Variants in TNK2 observed in about 807,000 individuals in gnomAD.
TNK2 encodes the protein tyrosine kinase non receptor 2.
TNK2 carries 83 observed loss-of-function variants against 101.8 expected under a neutral mutation model. The ratio of observed to expected loss-of-function variants is 0.82; its 90% confidence interval spans 0.68 to 0.98. The LOEUF (loss-of-function observed/expected upper bound fraction) is 0.98. Among genes scored for constraint, TNK2 ranks in the 50% least tolerant of loss-of-function variants. The pLI is 0.00. For synonymous variants in TNK2, 804 were observed against 633.0 expected (o/e 1.27, Z -4.06); for missense variants, 1,665 against 1,483.2 (o/e 1.12, Z -2.01).
rs1179772728 is a variant in TNK2 at position 195,882,469 on chromosome 3, C to T, written c.610-141G>A. On this transcript the variant is annotated intron_variant, in intron 5 of 15. Coordinates refer to ENST00000672887, the MANE Select transcript of TNK2 (RefSeq NM_001382273.1). The surrounding 1 kb of genome is among the most constrained non-coding windows in gnomAD (Gnocchi z 4.2). ...CCTTCCTGGCCTGCTGTCTGGGGACCTCTAGGAGTCCTGCAGTTTCTCAGG... is the reference window on the plus strand; with the variant it reads ...CCTTCCTGGCCTGCTGTCTGGGGACTTCTAGGAGTCCTGCAGTTTCTCAGG... 1.3e-6 allele frequency: 2 copies of T among 1,546,388 alleles called. No homozygotes were observed. Among genetic ancestry groups the T allele is most frequent in the African/African-American group, 2.7e-5 (2 of 73,058 alleles).
chr3:195,897,237 G>T lies in TNK2; in HGVS notation c.-18-8631C>A, dbSNP rs191543483. ...GTGCCCTCAGAACCTCATCCCAGAGGAACCTGCACCAGGCAACCCTGCACC... is the reference window on the plus strand; with the variant it reads ...GTGCCCTCAGAACCTCATCCCAGAGTAACCTGCACCAGGCAACCCTGCACC... On this transcript the variant is annotated intron_variant, in intron 1 of 15. Coordinates refer to ENST00000672887, the MANE Select transcript of TNK2 (RefSeq NM_001382273.1). 8.8e-4 allele frequency among the ~76,000 whole-genome samples: 134 copies of T among 152,358 alleles called. 2 individuals are homozygous for T. The East Asian group carries it at 0.024, about 28-fold the overall frequency.
At chr3:195,873,764 C>T (rs1747128467) in intron 9 of TNK2, among the ~76,000 whole-genome samples, 1 of 152,008 alleles carries the variant, frequency 6.6e-6, no homozygotes, top group Admixed American at 6.5e-5. Context: ...GGGGTGACTC[C>T]GGAACAGCCC....
At chr3:195,870,493 C>T (rs1459179599) in intron 10 of TNK2, 16 of 989,222 alleles carry the variant, frequency 1.6e-5, no homozygotes, top group Non-Finnish European at 2.0e-5. Context: ...CCCCAGGCCC[C>T]CAGCCCACAC....
At chr3:195,900,338 G>A (rs141749567) in intron 1 of TNK2, among the ~76,000 whole-genome samples, 82 of 152,082 alleles carry the variant, frequency 5.4e-4, no homozygotes, top group Admixed American at 2.4e-3. Context: ...GCTATGCCTC[G>A]TCCCCTCCAA....
At chr3:195,876,311 T>G (rs539067270) in intron 9 of TNK2, 41 of 421,478 alleles carry the variant, frequency 9.7e-5, no homozygotes, top group African/African-American at 7.7e-4. Flanking sequence ...GCAGGTGGCC[T>G]CCCAGACTCC....
chr3:195,886,945 C>T lies in TNK2; in HGVS notation c.234+32G>A, dbSNP rs938880731. 1.2e-6 allele frequency: 2 copies of T among 1,609,148 alleles called. No homozygotes were observed. The highest frequency in any genetic ancestry group is 1.7e-5 in the Admixed American group (1 of 59,986). On this transcript the variant is annotated intron_variant, in intron 3 of 15. Transcript: ENST00000672887. This position sits in a 1 kb window ranked among gnomAD's most constrained non-coding sequence, Gnocchi z 4.2. ...GGAGGGGGGCGTTCGAGGCTGCCCC[C>T]CTCCCACCTCCTCACCCACCTCCTC...
intron 2 of TNK2, 77 bp from the exon 3 acceptor site, chr3:195,887,124 G>C (rs1444429764): frequency 2.0e-6 from 3 of 1,484,330 alleles, no homozygotes; most frequent in East Asian, 2.3e-5. Flanking sequence ...GGTCCCCTTG[G>C]GGGTGAGCCT....
intron 15 of TNK2, among the ~76,000 whole-genome samples, chr3:195,865,211 C>T (rs113853344): frequency 1.8e-5 from 2 of 114,136 alleles, no homozygotes; most frequent in African/African-American, 3.5e-5. Context: ...CGAGTGCCTG[C>T]GTCCCAGATG....
At chr3:195,870,656 T>A (rs1361581643) in intron 10 of TNK2, among the ~76,000 whole-genome samples, 2 of 152,238 alleles carry the variant, frequency 1.3e-5, no homozygotes, top group Non-Finnish European at 2.9e-5. Flanking sequence ...GGGCCACCTG[T>A]CCTGCTCCGG....
At chr3:195,905,242 C>T (rs1012495989) in intron 1 of TNK2, among the ~76,000 whole-genome samples, 6 of 152,132 alleles carry the variant, frequency 3.9e-5, no homozygotes, top group Non-Finnish European at 5.9e-5. Context: ...CACTGTCGCC[C>T]GGGCTGGAAT....
intron 9 of TNK2, among the ~76,000 whole-genome samples, chr3:195,877,338 G>A (rs889774401): frequency 3.9e-5 from 6 of 152,080 alleles, no homozygotes; most frequent in African/African-American, 7.2e-5. Context: ...GGGCCACAGC[G>A]GTGCAGGTCA....
rs746877653 is a variant in TNK2, at chr3:195,868,672, G to A, written c.1626C>T (p.Pro542=). ...TYDPVSEDQD[P]LSSDFKRLGL... ...CCAGCCTCTTGAAGTCGCTGGACAAGGGGTCTTGGTCCTCGCTCACAGGGT... is the reference window on the plus strand; with the variant it reads ...CCAGCCTCTTGAAGTCGCTGGACAAAGGGTCTTGGTCCTCGCTCACAGGGT... The change falls in exon 13 of 16, where the codon CCC becomes CCT. Residue 542 remains proline, a synonymous_variant. Transcript: ENST00000672887. The A allele has an allele frequency of 1.3e-6, 2 of 1,593,084 alleles. No individual in the cohort carries two copies. Among genetic ancestry groups the A allele is most frequent in the Non-Finnish European group, 1.7e-6 (2 of 1,177,710 alleles).
chr3:195,897,444 C>A (rs1381670193), intron 1 of TNK2, among the ~76,000 whole-genome samples: 1 of 152,234 alleles, frequency 6.6e-6, no homozygotes, highest in Non-Finnish European at 1.5e-5. Context: ...GCAGGCAAGG[C>A]TGTGTCTGCT....
chr3:195,879,259 A>G, intron 6 of TNK2, 84 bp from the exon 7 acceptor site: 1 of 1,574,610 alleles, frequency 6.4e-7, no homozygotes, highest in African/African-American at 1.3e-5. Context: ...TCATGCAGCA[A>G]ACACTTGTTG....
chr3:195,870,101 G>A lies in TNK2; in HGVS notation c.1543+13C>T. ...GATGAGTTAGGGACACCAGGGAGCA[G>A]AGGGGCTCTTACTTTTCACCCCTCC... On this transcript the variant is annotated intron_variant, in intron 11 of 15. Coordinates refer to ENST00000672887, the MANE Select transcript of TNK2 (RefSeq NM_001382273.1). The A allele has an allele frequency of 2.1e-6, 3 of 1,453,826 alleles. No individual in the cohort carries two copies. The highest frequency in any genetic ancestry group is 2.7e-6 in the Non-Finnish European group (3 of 1,097,878). The allele number at this position is 1,453,826 out of a possible 1,614,324, so 90.1% of individuals were successfully genotyped here.
chr3:195,864,274 A>G, intron 15 of TNK2, 87 bp from the exon 16 acceptor site: 1 of 1,504,496 alleles, frequency 6.6e-7, no homozygotes, highest in East Asian at 2.3e-5. Flanking sequence ...GGTGCCAGGC[A>G]ACACCACTGG....
chr3:195,905,981 C>T (rs1018427829), intron 1 of TNK2, among the ~76,000 whole-genome samples: 6 of 152,104 alleles, frequency 3.9e-5, no homozygotes, highest in Admixed American at 6.5e-5. Context: ...GAACTCAACA[C>T]GAAAAACCCT....
intron 9 of TNK2, chr3:195,876,369 G>A (rs948840100): frequency 7.7e-5 from 35 of 454,152 alleles, no homozygotes; most frequent in Middle Eastern, 6.6e-4. Context: ...GGGAAGCCAC[G>A]GCGAAGAGAA....
At chr3:195,869,740 C>T (rs1243533674) in intron 11 of TNK2, 199 bp from the exon 12 acceptor site, 3 of 627,858 alleles carry the variant, frequency 4.8e-6, no homozygotes, top group Non-Finnish European at 5.7e-6. Context: ...GTATGATAGG[C>T]AGAGGACCGG....
Sources: gnomAD v4.1 joint callset for allele counts (sites outside exome capture counted in the v4.1 genomes callset) on GRCh38, gnomAD v4.1.1 for gene constraint, Gnocchi (gnomAD v3.1) non-coding constraint, MANE v1.5 for transcripts, NCBI Gene and HGNC (gene_info 2026-07-23, HGNC 2026-07-21) for gene names.